SMARCA2: variants seen among roughly 807,000 people sequenced by gnomAD.
SMARCA2 encodes SWI/SNF-related matrix-associated actin-dependent regulator of chromatin subfamily A member 2.
A neutral mutation model predicts 199.8 loss-of-function variants in SMARCA2; 61 were observed. The observed-to-expected ratio is 0.31, with a 90% CI of 0.25 to 0.38. The LOEUF (loss-of-function observed/expected upper bound fraction) is 0.38. Ranked by LOEUF, SMARCA2 falls within the 10% of genes least tolerant of loss-of-function variation. The pLI, the probability that SMARCA2 is intolerant of heterozygous loss-of-function variation, is 1.00. For missense variants in SMARCA2, 1,344 were observed against 2,012.2 expected (o/e 0.67, Z 6.35); for synonymous variants, 935 against 732.0 (o/e 1.28, Z -4.48).
At chr9:2,172,178 A>G (rs1826284583) in intron 29 of SMARCA2, among the ~76,000 whole-genome samples, 1 of 152,144 alleles carries the variant, frequency 6.6e-6, no homozygotes. Flanking sequence ...TCTTCAGAAG[A>G]GCTTTTAAAA....
intron 27 of SMARCA2, among the ~76,000 whole-genome samples, chr9:2,146,991 G>C (rs909441279): frequency 1.3e-5 from 2 of 152,192 alleles, no homozygotes; most frequent in African/African-American, 4.8e-5. Context: ...ATGCAGCCCA[G>C]TAGGTTTCAG....
chr9:2,019,768 A>T (rs1818522715), intron 1 of SMARCA2, among the ~76,000 whole-genome samples: 2 of 151,970 alleles, frequency 1.3e-5, no homozygotes, highest in South Asian at 4.1e-4. Flanking sequence ...GCATAAAAAG[A>T]AGAGTTTTAT....
At chr9:2,125,515 A>C (rs955611920) in intron 27 of SMARCA2, among the ~76,000 whole-genome samples, 2 of 142,828 alleles carry the variant, frequency 1.4e-5, no homozygotes, top group African/African-American at 5.3e-5. Context: ...TTTGAGACAG[A>C]GTCTCTCTCT....
chr9:2,145,667 A>C (rs1429946928), intron 27 of SMARCA2, among the ~76,000 whole-genome samples: 1 of 152,224 alleles, frequency 6.6e-6, no homozygotes, highest in Non-Finnish European at 1.5e-5. Flanking sequence ...ATTTGGACTT[A>C]GTGTTCCATA....
chr9:2,092,227 A>C (rs535759641), intron 19 of SMARCA2, among the ~76,000 whole-genome samples: 3 of 152,342 alleles, frequency 2.0e-5, no homozygotes, highest in South Asian at 4.1e-4. Flanking sequence ...TTATGTCTAA[A>C]TATGCTAAAA....
intron 27 of SMARCA2, chr9:2,159,341 T>A (rs1412051382): frequency 4.0e-6 from 1 of 248,154 alleles, no homozygotes; most frequent in Non-Finnish European, 7.7e-6. Flanking sequence ...TATGTTAAAA[T>A]ATTTGAATCT....
intron 31 of SMARCA2, among the ~76,000 whole-genome samples, chr9:2,183,452 T>A (rs2129904659): frequency 6.6e-6 from 1 of 152,320 alleles, no homozygotes; most frequent in South Asian, 2.1e-4. Context: ...TCAATTACTG[T>A]CACCTTATGT....
At chr9:2,055,629 T>G (rs1409888999) in intron 6 of SMARCA2, 1 of 152,246 alleles carries the variant, frequency 6.6e-6, no homozygotes, top group East Asian at 1.9e-4. Flanking sequence ...GGTAGGAATT[T>G]GGGTGTATAT....
intron 31 of SMARCA2, among the ~76,000 whole-genome samples, chr9:2,184,602 C>T (rs559450006): frequency 6.6e-6 from 1 of 152,118 alleles, no homozygotes; most frequent in East Asian, 1.9e-4. Context: ...ATCTACCCAC[C>T]TCAGCCTCCT....
intron 29 of SMARCA2, among the ~76,000 whole-genome samples, chr9:2,172,066 G>T (rs148083826): frequency 2.0e-5 from 3 of 152,278 alleles, no homozygotes; most frequent in African/African-American, 7.2e-5. Flanking sequence ...GCTCTCTGGA[G>T]TCTGTCTTGT....
chr9:2,020,924 T>C (rs1288343648), intron 1 of SMARCA2, among the ~76,000 whole-genome samples: 3 of 152,200 alleles, frequency 2.0e-5, no homozygotes, highest in Non-Finnish European at 4.4e-5. Context: ...ATAATGTCCT[T>C]CTGGACTTCT....
intron 9 of SMARCA2, among the ~76,000 whole-genome samples, chr9:2,065,185 A>C (rs1314150075): frequency 1.3e-5 from 2 of 149,588 alleles, no homozygotes; most frequent in African/African-American, 4.9e-5. Context: ...ACTCTGTCTC[A>C]AAAAAAAAAG....
chr9:2,172,848 G>A (rs1349921108), intron 29 of SMARCA2, among the ~76,000 whole-genome samples: 1 of 152,172 alleles, frequency 6.6e-6, no homozygotes, highest in Non-Finnish European at 1.5e-5. Context: ...AAAGTAGATA[G>A]CCAAGAGAGG....
chr9:2,037,153 G>C (rs2130232604), intron 3 of SMARCA2, among the ~76,000 whole-genome samples: 1 of 152,282 alleles, frequency 6.6e-6, no homozygotes, highest in Non-Finnish European at 1.5e-5. Flanking sequence ...TTTTGTACTA[G>C]CGTTACAACT....
chr9:2,040,174 G>C (rs138538693), intron 4 of SMARCA2: 1 of 645,352 alleles, frequency 1.5e-6, no homozygotes, highest in East Asian at 2.8e-5. Flanking sequence ...TCTTTGAAGC[G>C]GTTCAAGGTT....
rs1241404396 is a variant in SMARCA2, at chr9:2,119,857, C to T, written c.3762+322C>T. Among the ~76,000 whole-genome samples, 1 of 152,220 alleles carries T rather than the reference C, an allele frequency of 6.6e-6. No individual in the cohort carries two copies. The highest frequency in any genetic ancestry group is 1.5e-5 in the Non-Finnish European group (1 of 68,042). Reference sequence around the variant, plus strand: ...GTTGGCCAGGGCTGAGTAGCAGCTGCACTCTCTGGACAGGCCTCGCGGTCT... The same window carrying T: ...GTTGGCCAGGGCTGAGTAGCAGCTGTACTCTCTGGACAGGCCTCGCGGTCT... On this transcript the variant is annotated intron_variant, in intron 26 of 33. Coordinates refer to ENST00000349721, the MANE Select transcript of SMARCA2 (RefSeq NM_003070.5). The surrounding 1 kb of genome is among the most constrained non-coding windows in gnomAD (Gnocchi z 4.6).
At chr9:2,182,598 A>C (rs1267298157) in intron 31 of SMARCA2, among the ~76,000 whole-genome samples, 4 of 141,842 alleles carry the variant, frequency 2.8e-5, no homozygotes, top group Admixed American at 7.9e-5. Flanking sequence ...GGTTCAAGCC[A>C]TTCTTCTGCT....
Position 2,066,270 on chromosome 9 carries a change from GT to G in SMARCA2, c.1693-4145del, listed in dbSNP as rs1296137598. Among the ~76,000 whole-genome samples, 5 of 152,340 alleles carry G rather than the reference GT, an allele frequency of 3.3e-5. No individual in the cohort carries two copies. The East Asian group carries it at 9.6e-4, about 29-fold the overall frequency. ...ATTTAAAACTTTATGTAATGAGGCT[GT>G]TTATAGCCTATGTTAAAGTAATCTA... On this transcript the variant is annotated intron_variant, in intron 9 of 33. Coordinates refer to ENST00000349721, the MANE Select transcript of SMARCA2 (RefSeq NM_003070.5).
In SMARCA2 at chr9:2,037,771, A is replaced by G. The variant is rs139008084; in HGVS notation, c.356-1695A>G. On this transcript the variant is annotated intron_variant, in intron 3 of 33. Coordinates refer to ENST00000349721, the MANE Select transcript of SMARCA2 (RefSeq NM_003070.5). ...ATTAAAGGGCAGAGACTTTTCATCT[A>G]TGTATGTAATGCCATATTCTGGGAC... 4.6e-5 allele frequency among the ~76,000 whole-genome samples: 7 copies of G among 152,286 alleles called. No homozygotes were observed. The East Asian group carries it at 1.3e-3, about 29-fold the overall frequency.
Sources: gnomAD v4.1 joint callset for allele counts (sites outside exome capture counted in the v4.1 genomes callset) on GRCh38, gnomAD v4.1.1 for gene constraint, Gnocchi (gnomAD v3.1) non-coding constraint, MANE v1.5 for transcripts, NCBI Gene and HGNC (gene_info 2026-07-23, HGNC 2026-07-21) for gene names.